Variants in CPEB3 observed in about 807,000 individuals in gnomAD.
CPEB3 encodes the protein cytoplasmic polyadenylation element binding protein 3.
Under a neutral mutation model 67.2 loss-of-function variants are expected in CPEB3, and 20 were observed. The ratio of observed to expected loss-of-function variants is 0.30; its 90% CI spans 0.21 to 0.43. The LOEUF is 0.43. Ranked by LOEUF, CPEB3 falls within the 20% of genes least tolerant of loss-of-function variation. The pLI is 1.00. For synonymous variants in CPEB3, 376 were observed against 393.1 expected (o/e 0.96, Z 0.51); for missense variants, 746 against 968.6 (o/e 0.77, Z 3.05).
intron 4 of CPEB3, among the ~76,000 whole-genome samples, chr10:92,178,161 CTTT>C (rs1047680848): frequency 5.0e-5 from 7 of 139,778 alleles, no homozygotes; most frequent in Admixed American, 7.3e-5. Flanking sequence ...TCAATTATTC[CTTT>C]TTTTTTTTTT....
chr10:92,081,197 T>C (rs1380653618), intron 9 of CPEB3, 123 bp downstream of exon 9: 6 of 1,010,884 alleles, frequency 5.9e-6, no homozygotes, highest in Non-Finnish European at 9.2e-6. Context: ...GATGAATTCA[T>C]GGACTAATGC....
At chr10:92,098,975 T>C (rs565134760) in intron 7 of CPEB3, among the ~76,000 whole-genome samples, 2 of 152,090 alleles carry the variant, frequency 1.3e-5, no homozygotes, top group African/African-American at 4.8e-5. Flanking sequence ...TTTCACCATG[T>C]TGGCCAGGCT....
intron 1 of CPEB3, among the ~76,000 whole-genome samples, chr10:92,279,736 A>C (rs751781350): frequency 2.0e-4 from 30 of 152,156 alleles, no homozygotes; most frequent in Admixed American, 5.2e-4. Context: ...AAACAGGCAA[A>C]GGTATCAATA....
chr10:92,200,401 C>T lies in CPEB3; in HGVS notation c.1006-7765G>A, dbSNP rs957702479. On this transcript the variant is annotated intron_variant, in intron 2 of 9. Transcript: ENST00000265997. The stretch of plus-strand genomic sequence containing the variant: ...CTCTACTAAGAAATACAAAATTAGC[C>T]GGGCGTGGTGGCGCATGCCTGTAAT... Among the ~76,000 whole-genome samples, 3 of 151,814 alleles carry T rather than the reference C, an allele frequency of 2.0e-5. No homozygotes were observed. The South Asian group carries it at 6.2e-4, about 32-fold the overall frequency.
At chr10:92,089,647 G>C (rs1411172935) in intron 8 of CPEB3, among the ~76,000 whole-genome samples, 1 of 152,076 alleles carries the variant, frequency 6.6e-6, no homozygotes, top group Non-Finnish European at 1.5e-5. Context: ...GCCAGGCATG[G>C]TGGTGTGCGC....
chr10:92,211,586 G>A (rs1156302099), intron 2 of CPEB3, among the ~76,000 whole-genome samples: 1 of 151,190 alleles, frequency 6.6e-6, no homozygotes, highest in Admixed American at 6.6e-5. Context: ...GCCCAGGCTG[G>A]CGTGCAGTGG....
intron 9 of CPEB3, among the ~76,000 whole-genome samples, 196 bp downstream of exon 9, chr10:92,081,124 G>A (rs895557576): frequency 1.3e-5 from 2 of 152,100 alleles, no homozygotes; most frequent in African/African-American, 4.8e-5. Flanking sequence ...TCTGGGGATG[G>A]GTGAGGCAGA....
At chr10:92,056,272 A>G (rs1265264868) in intron 9 of CPEB3, among the ~76,000 whole-genome samples, 1 of 152,184 alleles carries the variant, frequency 6.6e-6, no homozygotes, top group Non-Finnish European at 1.5e-5. Flanking sequence ...GACCTCTCAA[A>G]CAGCAACAGT....
chr10:92,116,265 A>AAG (rs1554889852), intron 6 of CPEB3, among the ~76,000 whole-genome samples: 1 of 145,824 alleles, frequency 6.9e-6, no homozygotes, highest in African/African-American at 2.5e-5. Flanking sequence ...AAAAAAAAAA[A>AAG]AATAATAATA....
chr10:92,235,253 C>T (rs1851471425), intron 2 of CPEB3, among the ~76,000 whole-genome samples: 1 of 152,152 alleles, frequency 6.6e-6, no homozygotes, highest in Non-Finnish European at 1.5e-5. Flanking sequence ...CAAGACCAGC[C>T]TGACTAATAG....
intron 2 of CPEB3, among the ~76,000 whole-genome samples, chr10:92,225,362 T>C (rs958784450): frequency 2.6e-5 from 4 of 152,158 alleles, no homozygotes; most frequent in Non-Finnish European, 5.9e-5. Context: ...CATGACAGCA[T>C]CATGTTCAAT....
intron 1 of CPEB3, among the ~76,000 whole-genome samples, chr10:92,280,800 C>T (rs1329778810): frequency 7.3e-6 from 1 of 136,672 alleles, no homozygotes; most frequent in Non-Finnish European, 1.5e-5. Context: ...GCTCTCGTCG[C>T]CCAGGCTGGA....
rs1489949158 is a variant in CPEB3 at position 92,239,742 on chromosome 10, C to T, written c.609G>A (p.Gln203=). The T allele has an allele frequency of 2.7e-6, 4 of 1,500,666 alleles. No individual in the cohort carries two copies. Among genetic ancestry groups the T allele is most frequent in the Non-Finnish European group, 3.5e-6 (4 of 1,131,548 alleles). 93.0% of individuals were successfully genotyped at this position (1,500,666 alleles called of 1,614,324 possible). Residue 203 remains glutamine, a synonymous_variant, in exon 2 of 10, where the codon CAG becomes CAA. Transcript: ENST00000265997. The surrounding 1 kb of genome is among the most constrained non-coding windows in gnomAD (Gnocchi z 6.0). The part of the protein sequence containing the change: ...PASPSQAPYA[Q]RSAAAAYGHQ... ...GGCCGTACGCCGCGGCGGCGCTCCT[C>T]TGCGCGTAGGGCGCCTGGCTGGGGC...
At chr10:92,063,594 T>A (rs1207868665) in intron 9 of CPEB3, among the ~76,000 whole-genome samples, 1 of 152,008 alleles carries the variant, frequency 6.6e-6, no homozygotes, top group Non-Finnish European at 1.5e-5. Context: ...GAAACCCCCG[T>A]CTCTACTAAA....
At chr10:92,065,918 A>AC (rs968189165) in intron 9 of CPEB3, among the ~76,000 whole-genome samples, 54 of 151,022 alleles carry the variant, frequency 3.6e-4, no homozygotes, top group Admixed American at 8.6e-4. Context: ...ACATGCTGAG[A>AC]CCCCCCCTCT....
At chr10:92,106,840 AGAAAGAAAGAAAAAAG>A (rs1844493953) in intron 7 of CPEB3, among the ~76,000 whole-genome samples, 1 of 141,904 alleles carries the variant, frequency 7.0e-6, no homozygotes, top group African/African-American at 2.7e-5. Flanking sequence ...AAAAAAAAAA[AGAAAGAAAGAAAAAAG>A]AAAAAAAGAA....
chr10:92,241,486 A>G (rs772844788), intron 1 of CPEB3, among the ~76,000 whole-genome samples: 8 of 152,182 alleles, frequency 5.3e-5, no homozygotes, highest in Non-Finnish European at 7.3e-5. Context: ...GCGAAACACT[A>G]TGGTTTGAAG....
intron 9 of CPEB3, among the ~76,000 whole-genome samples, chr10:92,055,745 GAAA>G (rs61360885): frequency 6.6e-6 from 1 of 151,772 alleles, no homozygotes; most frequent in Non-Finnish European, 1.5e-5. Flanking sequence ...TTAATATGGT[GAAA>G]AAAAAATTAG....
chr10:92,107,339 G>T (rs1844522678), intron 7 of CPEB3, among the ~76,000 whole-genome samples: 1 of 152,308 alleles, frequency 6.6e-6, no homozygotes, highest in Non-Finnish European at 1.5e-5. Flanking sequence ...TAGAGAAATT[G>T]TAGTCGTGCT....
Sources: allele counts gnomAD v4.1 joint callset (sites outside exome capture counted in the v4.1 genomes callset), GRCh38; gene constraint gnomAD v4.1.1; non-coding constraint Gnocchi (gnomAD v3.1); transcripts MANE v1.5; gene names NCBI Gene and HGNC (gene_info 2026-07-23, HGNC 2026-07-21).